The following BRAF variants were observed in gnomAD, a reference collection of about 807,000 sequenced individuals.
The protein encoded by BRAF is B-Raf proto-oncogene, serine/threonine kinase.
Under a neutral mutation model 104.6 loss-of-function variants are expected in BRAF, and 16 were observed. The observed-to-expected ratio is 0.15, with a 90% CI of 0.10 to 0.23. BRAF has a LOEUF of 0.23. BRAF is among the 10% of genes least tolerant of loss of function. BRAF has a pLI of 1.00. For synonymous variants in BRAF, 310 were observed against 341.6 expected, an observed-to-expected ratio of 0.91 and a Z score of 1.02; for missense variants, 541 against 937.3, an observed-to-expected ratio of 0.58 and a Z score of 5.52.
rs114989858 is a variant in BRAF at position 140,789,278 on chromosome 7, C to T, written c.1141-1694G>A. Among the ~76,000 whole-genome samples the T allele has an allele frequency of 5.0e-3, 764 of 152,046 alleles. 5 individuals are homozygous for T. Among genetic ancestry groups the T allele is most frequent in the African/African-American group, 0.016 (675 of 41,468 alleles). ...TAACAACGATGGTAGTGGGGACAGT[C>T]GCTACTGGTAATGCAATTTGGGCCT... is the stretch of plus-strand genomic sequence containing the variant. On this transcript the variant is annotated intron_variant, in intron 8 of 19. Transcript: ENST00000644969.
At chr7:140,907,630 A>C (rs1229300828) in intron 1 of BRAF, among the ~76,000 whole-genome samples, 1 of 151,630 alleles carries the variant, frequency 6.6e-6, no homozygotes, top group African/African-American at 2.4e-5. Context: ...TGGCACAATC[A>C]TACATCACTG....
Position 140,778,040 on chromosome 7 carries a change from G to A in BRAF, c.1588C>T (p.Pro530Ser), listed in dbSNP as rs375520366. 2 of 1,613,410 alleles carry A rather than the reference G, an allele frequency of 1.2e-6. No homozygotes were observed. The highest frequency in any genetic ancestry group is 1.3e-5 in the African/African-American group (1 of 74,994). ...VAVKMLNVTAPTPQQLQAFKN... is the reference protein window; with the variant it reads ...VAVKMLNVTASTPQQLQAFKN... ...AAGGCTTGTAACTGCTGAGGTGTAG[G>A]TGCTGTCACATTCAACATTTTCACT... The change falls in exon 13 of 20, where the codon CCT becomes TCT. Residue 530 changes from proline to serine, a missense_variant. Physicochemically the swap from Pro to Ser is moderately conservative, Grantham distance 74 (BLOSUM62 -1). Coordinates refer to ENST00000644969, the MANE Select transcript of BRAF (RefSeq NM_001374258.1).
chr7:140,846,479 T>C (rs1808553723), intron 2 of BRAF, among the ~76,000 whole-genome samples: 2 of 152,060 alleles, frequency 1.3e-5, no homozygotes, highest in South Asian at 2.1e-4. Flanking sequence ...TCATAGATCA[T>C]AGAGATAGAA....
chr7:140,875,606 G>A (rs1006324906), intron 1 of BRAF, among the ~76,000 whole-genome samples: 5 of 152,152 alleles, frequency 3.3e-5, no homozygotes, highest in Non-Finnish European at 5.9e-5. Context: ...TCGAACTCCC[G>A]ACCTCCGGTG....
chr7:140,918,205 T>C (rs976092749), intron 1 of BRAF, among the ~76,000 whole-genome samples: 2 of 152,232 alleles, frequency 1.3e-5, no homozygotes, highest in African/African-American at 2.4e-5. Context: ...TCAATAGTTA[T>C]GGTATAGGGC....
chr7:140,844,322 A>C (rs1478936175), intron 2 of BRAF, among the ~76,000 whole-genome samples: 1 of 152,204 alleles, frequency 6.6e-6, no homozygotes, highest in African/African-American at 2.4e-5. Flanking sequence ...GTTCTCTGTT[A>C]CTTTTGCTTC....
intron 7 of BRAF, 76 bp downstream of exon 7, chr7:140,800,286 G>T: frequency 6.2e-7 from 1 of 1,604,368 alleles, no homozygotes; most frequent in Non-Finnish European, 8.5e-7. Context: ...CATTGGAAAG[G>T]TTTCTAATTA....
At chr7:140,787,076 C>A (rs567959224) in intron 9 of BRAF, among the ~76,000 whole-genome samples, 8 of 151,884 alleles carry the variant, frequency 5.3e-5, no homozygotes, top group South Asian at 2.1e-4. Flanking sequence ...CCGAGGCGGG[C>A]GGATCACGAG....
At chr7:140,797,474 T>A (rs1290723314) in intron 7 of BRAF, among the ~76,000 whole-genome samples, 1 of 152,222 alleles carries the variant, frequency 6.6e-6, no homozygotes. Context: ...AGAGTTTTGA[T>A]ACTGAACAAG....
intron 1 of BRAF, among the ~76,000 whole-genome samples, chr7:140,883,169 AG>A (rs1021301654): frequency 6.6e-6 from 1 of 152,132 alleles, no homozygotes; most frequent in Non-Finnish European, 1.5e-5. Flanking sequence ...TGGGATCTTG[AG>A]GATTCTTTCA....
At chr7:140,788,052 G>A (rs1801575530) in intron 8 of BRAF, among the ~76,000 whole-genome samples, 1 of 152,108 alleles carries the variant, frequency 6.6e-6, no homozygotes, top group South Asian at 2.1e-4. Context: ...TCATACCGAG[G>A]TAATGGGATA....
intron 19 of BRAF, among the ~76,000 whole-genome samples, chr7:140,728,843 C>T (rs938442776): frequency 6.6e-6 from 1 of 151,666 alleles, no homozygotes; most frequent in Non-Finnish European, 1.5e-5. Context: ...TATGAAAATG[C>T]CTAGAATTAA....
chr7:140,738,635 T>TA (rs1796642763), intron 18 of BRAF, among the ~76,000 whole-genome samples: 1 of 152,212 alleles, frequency 6.6e-6, no homozygotes, highest in South Asian at 2.1e-4. Context: ...TGTTTTGTTT[T>TA]AAACAGAGTC....
chr7:140,887,674 T>C (rs550606665), intron 1 of BRAF, among the ~76,000 whole-genome samples: 268 of 152,306 alleles, frequency 1.8e-3, no homozygotes, highest in Non-Finnish European at 3.1e-3. Context: ...CTACATTATT[T>C]AGTTAATGTG....
Position 140,721,478 on chromosome 7 carries a change from A to G in BRAF, c.*5016T>C. 7.9e-7 allele frequency: 1 copy of G among 1,267,526 alleles called. No individual in the cohort carries two copies. Among genetic ancestry groups the G allele is most frequent in the Non-Finnish European group, 9.9e-7 (1 of 1,006,700 alleles). 78.5% of individuals were successfully genotyped at this position (1,267,526 alleles called of 1,614,324 possible). A position where few individuals can be genotyped will look rare whatever the true frequency, so the allele number is the denominator to read the frequency against. On this transcript the variant is annotated 3_prime_UTR_variant, in exon 20 of 20. Coordinates refer to ENST00000644969, the MANE Select transcript of BRAF (RefSeq NM_001374258.1). Reference sequence around the variant, plus strand: ...ACAAAAGTGAAAATAGGTTATTTGAAAACAACAAAACAGAGCTTACTGTCT... The same window carrying G: ...ACAAAAGTGAAAATAGGTTATTTGAGAACAACAAAACAGAGCTTACTGTCT...
chr7:140,849,537 C>T (rs1808926365), intron 2 of BRAF, among the ~76,000 whole-genome samples: 2 of 150,478 alleles, frequency 1.3e-5, no homozygotes, highest in South Asian at 2.1e-4. Context: ...AAAAAATTGG[C>T]TAGGCACAGT....
intron 14 of BRAF, among the ~76,000 whole-genome samples, chr7:140,768,691 C>CAACA (rs1799562025): frequency 6.6e-6 from 1 of 152,050 alleles, no homozygotes; most frequent in South Asian, 2.1e-4. Context: ...GAGATGAGGT[C>CAACA]TTACTATGTT....
intron 3 of BRAF, among the ~76,000 whole-genome samples, chr7:140,827,721 C>G (rs931904560): frequency 2.0e-5 from 3 of 152,132 alleles, no homozygotes; most frequent in Non-Finnish European, 4.4e-5. Flanking sequence ...CCTGAGGCCA[C>G]GACCGCAGAG....
At chr7:140,922,258 G>A (rs1818305570) in intron 1 of BRAF, among the ~76,000 whole-genome samples, 1 of 152,090 alleles carries the variant, frequency 6.6e-6, no homozygotes, top group African/African-American at 2.4e-5. Flanking sequence ...TCCAATTACT[G>A]GCAATTTATA....
Sources: gnomAD v4.1 joint callset for allele counts (sites outside exome capture counted in the v4.1 genomes callset) on GRCh38, gnomAD v4.1.1 for gene constraint, MANE v1.5 for transcripts, NCBI Gene and HGNC (gene_info 2026-07-23, HGNC 2026-07-21) for gene names.